The following ACVRL1 variants were observed in gnomAD, a reference collection of about 807,000 sequenced individuals.
ACVRL1 encodes the protein activin A receptor like type 1, also known as activin receptor type-1-like.
In ACVRL1, 20 loss-of-function variants were observed where a neutral mutation model predicts 51.9. The observed-to-expected ratio is 0.39, with a 90% confidence interval of 0.27 to 0.56. ACVRL1 has a LOEUF of 0.56. Ranked by LOEUF, ACVRL1 falls within the 20% of genes least tolerant of loss-of-function variation. The probability of loss-of-function intolerance (pLI) is 0.67; values close to 1 mark genes in which losing one functional copy is unlikely to be tolerated. For synonymous variants in ACVRL1, 288 were observed against 280.9 expected, an observed-to-expected ratio of 1.03 and a Z score of -0.25; for missense variants, 451 against 670.3, an observed-to-expected ratio of 0.67 and a Z score of 3.61.
chr12:51,915,854 A>G (rs915884092), intron 7 of ACVRL1, 182 bp from the exon 8 acceptor site: 1 of 698,750 alleles, frequency 1.4e-6, no homozygotes, highest in African/African-American at 1.8e-5. Flanking sequence ...AGAGCACTAC[A>G]CAAGCAAAGA....
At chr12:51,913,894 C>T (rs1592222794) in intron 4 of ACVRL1, 80 bp from the exon 5 acceptor site, 1 of 1,569,166 alleles carries the variant, frequency 6.4e-7, no homozygotes, top group African/African-American at 1.4e-5. Context: ...TGCAGTGACC[C>T]AGCAGGTCCC....
At chr12:51,914,396 G>C (rs1221813512) in intron 5 of ACVRL1, 43 bp from the exon 6 acceptor site, 2 of 1,613,564 alleles carry the variant, frequency 1.2e-6, no homozygotes, top group Non-Finnish European at 1.7e-6. Context: ...CCAGGGCTCT[G>C]TGTGCCCAGT....
rs774822477 is a variant in ACVRL1 at position 51,914,337 on chromosome 12, G to A, written c.626-102G>A. 2.0e-5 allele frequency: 31 copies of A among 1,532,972 alleles called. No individual in the cohort carries two copies. In the Admixed American group the frequency reaches 4.8e-4, roughly 24 times the overall value. 95.0% of individuals were successfully genotyped at this position (1,532,972 alleles called of 1,614,324 possible). ...TAAACCTAAGGGTCTGGGGTTCTGT[G>A]GGTGGGGTGGGCGAGGGAGGCAGCG... On this transcript the variant is annotated intron_variant, in intron 5 of 9. Transcript: ENST00000388922.
chr12:51,914,716 T>TTTTAATTTAATTTAATTTAATTTAA (rs55800652), intron 6 of ACVRL1, 131 bp downstream of exon 6: 24 of 316,212 alleles, frequency 7.6e-5, no homozygotes, highest in Non-Finnish European at 1.0e-4. Flanking sequence ...CAACCTCTTT[T>TTTTAATTTAATTTAATTTAATTTAA]TTTAATTTAA....
Position 51,913,682 on chromosome 12 carries a change from G to A in ACVRL1, c.437G>A (p.Arg146Lys). The change falls in exon 4 of 10, where the codon AGG (arginine) becomes AAG (lysine). Residue 146 changes from arginine (R) to lysine (K), a missense_variant. Transcript: ENST00000388922. The stretch of plus-strand genomic sequence containing the variant: ...CTGGGCCTGTGGCATGTCCGACGGA[G>A]GCAGGAGAAGCAGCGTGGCCTGCAC... ...GVLGLWHVRR[R>K]QEKQRGLHSE... is the part of the protein sequence containing the mutation. 6.2e-7 allele frequency: 1 copy of A among 1,610,938 alleles called. No individual in the cohort carries two copies. Among genetic ancestry groups the A allele is most frequent in the African/African-American group, 1.3e-5 (1 of 75,064 alleles).
intron 8 of ACVRL1, among the ~76,000 whole-genome samples, 177 bp from the exon 9 acceptor site, chr12:51,918,808 C>T (rs1018236284): frequency 6.6e-6 from 1 of 152,210 alleles, no homozygotes; most frequent in African/African-American, 2.4e-5. Context: ...AAACAAATGG[C>T]AGTCATTAAC....
Position 51,913,605 on chromosome 12 carries a change from C to T in ACVRL1, c.360C>T (p.Ala120=). 2 of 1,601,704 alleles carry T rather than the reference C, an allele frequency of 1.2e-6. No homozygotes were observed. Among genetic ancestry groups the T allele is most frequent in the East Asian group, 2.2e-5 (1 of 44,866 alleles). Residue 120 remains alanine (A), a synonymous_variant, in exon 4 of 10, where the codon GCC becomes GCT. Transcript: ENST00000388922. ...AGCCGGGAACAGATGGCCAGCTGGC[C>T]CTGATCCTGGGCCCCGTGCTGGCCT... ...SEQPGTDGQL[A]LILGPVLALL...
chr12:51,919,263 C>T (rs1311355809), intron 9 of ACVRL1, 148 bp downstream of exon 9: 3 of 1,249,634 alleles, frequency 2.4e-6, no homozygotes, highest in South Asian at 1.3e-5. Context: ...CTCCCTCTTT[C>T]AACCCTGGCC....
chr12:51,912,903 C>A (rs35960167), intron 2 of ACVRL1, among the ~76,000 whole-genome samples, 196 bp from the exon 3 acceptor site: 2 of 151,700 alleles, frequency 1.3e-5, no homozygotes, highest in African/African-American at 2.4e-5. Flanking sequence ...GGGACAAAAG[C>A]CTGCTTTTCA....
chr12:51,913,033 A>G, intron 2 of ACVRL1, 66 bp from the exon 3 acceptor site: 2 of 1,567,894 alleles, frequency 1.3e-6, no homozygotes, highest in Admixed American at 1.8e-5. Context: ...TAGGACAGAA[A>G]TGGGTGTCGG....
chr12:51,913,842 C>T (rs1053046773), intron 4 of ACVRL1, 72 bp downstream of exon 4: 85 of 1,587,908 alleles, frequency 5.4e-5, no homozygotes, highest in Non-Finnish European at 7.0e-5. Context: ...GAGGGGTCAC[C>T]CAGAGATTAG....
intron 8 of ACVRL1, among the ~76,000 whole-genome samples, chr12:51,916,653 G>T (rs1220809215): frequency 6.6e-6 from 1 of 152,238 alleles, no homozygotes. Context: ...CCGTGCGTAG[G>T]TTATTTGACC....
intron 1 of ACVRL1, among the ~76,000 whole-genome samples, chr12:51,909,134 C>T (rs192221843): frequency 1.5e-4 from 23 of 152,304 alleles, no homozygotes. Context: ...TGCTGAGCCA[C>T]TGCCGTTGAT....
intron 6 of ACVRL1, 28 bp from the exon 7 acceptor site, chr12:51,915,197 C>A: frequency 6.2e-7 from 1 of 1,613,860 alleles, no homozygotes; most frequent in Non-Finnish European, 8.5e-7. Flanking sequence ...AGCCCCTTGG[C>A]TGAGTCACCC....
At chr12:51,916,299 C>A in intron 8 of ACVRL1, 66 bp downstream of exon 8, 9 of 1,553,804 alleles carry the variant, frequency 5.8e-6, no homozygotes, top group Admixed American at 1.8e-5. Flanking sequence ...GGCTTCCAGC[C>A]ATGGCCAGTG....
rs140793387 is a variant in ACVRL1, at chr12:51,911,592, C to T, written c.-5-878C>T. On this transcript the variant is annotated intron_variant, in intron 1 of 9. Transcript: ENST00000388922. Reference sequence around the variant, plus strand: ...ATAGCCCTGAGGGCTCAGACATGGGCTGCCACCACTGGATAGGGACAGAGC... The same window carrying T: ...ATAGCCCTGAGGGCTCAGACATGGGTTGCCACCACTGGATAGGGACAGAGC... 7.1e-3 allele frequency among the ~76,000 whole-genome samples: 1,081 copies of T among 152,284 alleles called. 16 individuals are homozygous for T. The highest frequency in any genetic ancestry group is 0.025 in the African/African-American group (1,025 of 41,548).
At chr12:51,913,872 G>T (rs900294211) in intron 4 of ACVRL1, 102 bp downstream of exon 4, 6 of 1,568,136 alleles carry the variant, frequency 3.8e-6, no homozygotes, top group East Asian at 4.6e-5. Context: ...GGAGCTGGGC[G>T]AGTGAGGAGC....
At position 51,921,790 on chromosome 12, in the gene ACVRL1, T is replaced by G. The variant is rs1019172335; in HGVS notation, c.*897T>G. On this transcript the variant is annotated 3_prime_UTR_variant, in exon 10 of 10. Coordinates refer to ENST00000388922, the MANE Select transcript of ACVRL1 (RefSeq NM_000020.3). ...TCTTGTTGTCCAGGCTAGAGTGCAA[T>G]GGCATGATCCCAGCTCACCGCAACG... The G allele has an allele frequency of 1.3e-5, 2 of 152,098 alleles. No individual in the cohort carries two copies. Among genetic ancestry groups the G allele is most frequent in the African/African-American group, 4.8e-5 (2 of 41,406 alleles). 9.4% of individuals were successfully genotyped at this position (152,098 alleles called of 1,614,324 possible).
Position 51,920,815 on chromosome 12 carries a change from C to A in ACVRL1, c.1434C>A (p.Ala478=). 1 of 1,614,052 alleles carries A rather than the reference C, an allele frequency of 6.2e-7. No individual in the cohort carries two copies. Among genetic ancestry groups the A allele is most frequent in the Non-Finnish European group, 8.5e-7 (1 of 1,180,024 alleles). The part of the protein sequence containing the change: ...MRECWYPNPS[A]RLTALRIKKT... ...AGTGCTGGTACCCAAACCCCTCTGC[C>A]CGACTCACCGCGCTGCGGATCAAGA... The change falls in exon 10 of 10, where the codon GCC becomes GCA. Residue 478 remains alanine, a synonymous_variant. Transcript: ENST00000388922.
Sources: gnomAD v4.1 joint callset for allele counts (sites outside exome capture counted in the v4.1 genomes callset) on GRCh38, gnomAD v4.1.1 for gene constraint, MANE v1.5 for transcripts, NCBI Gene and HGNC (gene_info 2026-07-23, HGNC 2026-07-21) for gene names.